AK4: variants seen among roughly 807,000 people sequenced by gnomAD.
AK4 encodes the protein adenylate kinase 4.
AK4 carries 13 observed loss-of-function variants against 24.6 expected under a neutral mutation model. The observed-to-expected ratio is 0.53, with a 90% CI of 0.34 to 0.84. AK4 has a LOEUF of 0.84. AK4 is among the 40% of genes least tolerant of loss of function. The pLI, the probability that AK4 is intolerant of heterozygous loss-of-function variation, is 0.01. For synonymous variants in AK4, 88 were observed against 107.0 expected (o/e 0.82, Z 1.10); for missense variants, 192 against 288.2 (o/e 0.67, Z 2.42).
chr1:65,174,097 C>G (rs1650631864), intron 1 of AK4, among the ~76,000 whole-genome samples: 1 of 152,108 alleles, frequency 6.6e-6, no homozygotes, highest in South Asian at 2.1e-4. Flanking sequence ...TTTTCTGTTC[C>G]TCAGCTTTCA....
chr1:65,214,907 G>A (rs912994729), intron 2 of AK4, among the ~76,000 whole-genome samples: 2 of 152,180 alleles, frequency 1.3e-5, no homozygotes, highest in African/African-American at 4.8e-5. Flanking sequence ...GTGAGATAGA[G>A]GCGACTTGTT....
chr1:65,183,534 T>A (rs1224218587), intron 1 of AK4, among the ~76,000 whole-genome samples: 5 of 152,156 alleles, frequency 3.3e-5, no homozygotes, highest in Non-Finnish European at 4.4e-5. Context: ...CGTGAGCCAC[T>A]GTTCCCGGCC....
chr1:65,151,120 A>C (rs1389596403), intron 1 of AK4, among the ~76,000 whole-genome samples: 2 of 151,860 alleles, frequency 1.3e-5, no homozygotes, highest in African/African-American at 4.8e-5. Flanking sequence ...CGCCCGGCTA[A>C]TTTTTGTATT....
At chr1:65,148,046 T>G (rs7550993), upstream of AK4, 52,889 of 188,756 alleles carry the variant, frequency 0.28, 13,667 homozygotes, top group African/African-American at 0.73. Context: ...CGAGCTGGAG[T>G]TAAGGATGAA....
intron 1 of AK4, among the ~76,000 whole-genome samples, chr1:65,187,610 T>C (rs765369394): frequency 8.5e-5 from 13 of 152,112 alleles, no homozygotes; most frequent in African/African-American, 1.4e-4. Context: ...AAAGCTGTCA[T>C]AAAAAAATGC....
At chr1:65,210,882 A>C (rs924836805) in intron 2 of AK4, among the ~76,000 whole-genome samples, 1 of 152,178 alleles carries the variant, frequency 6.6e-6, no homozygotes, top group Non-Finnish European at 1.5e-5. Flanking sequence ...TACTATTTTC[A>C]TAGGCACAGA....
At chr1:65,172,126 A>AATATATAT in intron 1 of AK4, among the ~76,000 whole-genome samples, 1 of 119,124 alleles carries the variant, frequency 8.4e-6, no homozygotes, top group East Asian at 2.4e-4. Flanking sequence ...ACACTTCCCA[A>AATATATAT]ATATATATAT....
At chr1:65,224,719 G>A in intron 3 of AK4, 33 bp from the exon 4 acceptor site, 1 of 1,572,944 alleles carries the variant, frequency 6.4e-7, no homozygotes, top group African/African-American at 1.4e-5. Context: ...CCCAACTGTT[G>A]TCTATATTAA....
At chr1:65,147,887 C>T (rs1397812750), upstream of AK4, 2 of 152,378 alleles carry the variant, frequency 1.3e-5, no homozygotes, top group African/African-American at 4.8e-5. Flanking sequence ...GAGGACCGGG[C>T]AGGGGCTCAG....
At chr1:65,183,649 CCGTGTGTGTGTGTG>C (rs1650987399) in intron 1 of AK4, among the ~76,000 whole-genome samples, 1 of 111,630 alleles carries the variant, frequency 9.0e-6, no homozygotes, top group Non-Finnish European at 1.9e-5. Flanking sequence ...ATATAAATAT[CCGTGTGTGTGTGTG>C]TGTGTGTGTG....
intron 2 of AK4, among the ~76,000 whole-genome samples, chr1:65,192,805 G>A (rs756604491): frequency 1.3e-5 from 2 of 152,158 alleles, no homozygotes; most frequent in African/African-American, 4.8e-5. Flanking sequence ...GGTGGTCACC[G>A]ATAAGTCCAA....
intron 2 of AK4, among the ~76,000 whole-genome samples, chr1:65,194,799 T>C (rs1234558821): frequency 2.0e-5 from 3 of 152,222 alleles, no homozygotes; most frequent in African/African-American, 7.2e-5. Context: ...AGACCTTCCC[T>C]ACAGCTCCCC....
At chr1:65,193,506 A>T (rs1267950604) in intron 2 of AK4, among the ~76,000 whole-genome samples, 1 of 152,194 alleles carries the variant, frequency 6.6e-6, no homozygotes, top group African/African-American at 2.4e-5. Context: ...TTCCCTCTGG[A>T]ACATGCTTTT....
At chr1:65,201,610 G>A (rs1651664956) in intron 2 of AK4, among the ~76,000 whole-genome samples, 1 of 152,192 alleles carries the variant, frequency 6.6e-6, no homozygotes, top group Admixed American at 6.6e-5. Context: ...CATGCTTCCT[G>A]ACCTCATAGT....
intron 2 of AK4, among the ~76,000 whole-genome samples, chr1:65,204,291 C>A (rs960647634): frequency 3.3e-5 from 5 of 151,662 alleles, no homozygotes; most frequent in Non-Finnish European, 5.9e-5. Context: ...ACCTCCACCT[C>A]CTGGGTTCAA....
At chr1:65,167,725 C>G (rs1650379938) in intron 1 of AK4, among the ~76,000 whole-genome samples, 1 of 152,190 alleles carries the variant, frequency 6.6e-6, no homozygotes, top group South Asian at 2.1e-4. Context: ...TGTGCTGGAT[C>G]CATTCTATAG....
chr1:65,163,530 G>A (rs1247421263), intron 1 of AK4, among the ~76,000 whole-genome samples: 1 of 152,184 alleles, frequency 6.6e-6, no homozygotes, highest in Non-Finnish European at 1.5e-5. Flanking sequence ...ATGGCCACTG[G>A]TATTGGCCAA....
intron 1 of AK4, among the ~76,000 whole-genome samples, chr1:65,172,063 GTATATATA>G (rs3051712): frequency 0.2 from 12,926 of 65,488 alleles, 1,639 homozygotes; most frequent in East Asian, 0.4. Context: ...TCCATCTCAA[GTATATATA>G]TATATATATA....
chr1:65,175,674 C>T (rs961049502), intron 1 of AK4, among the ~76,000 whole-genome samples: 4 of 152,196 alleles, frequency 2.6e-5, no homozygotes, highest in Non-Finnish European at 1.5e-5. Flanking sequence ...CAGAGGGCCC[C>T]TGAGATTTCC....
Sources: gnomAD v4.1 joint callset for allele counts (sites outside exome capture counted in the v4.1 genomes callset) on GRCh38, gnomAD v4.1.1 for gene constraint, MANE v1.5 for transcripts, NCBI Gene and HGNC (gene_info 2026-07-23, HGNC 2026-07-21) for gene names.